Variants in FGF12 observed in about 807,000 individuals in gnomAD.
FGF12 encodes the protein fibroblast growth factor 12B.
FGF12 carries 14 observed loss-of-function variants against 23.6 expected under a neutral mutation model. That is an observed-to-expected ratio of 0.59 (90% CI 0.39 to 0.93). The LOEUF is 0.93. FGF12 is among the 40% of genes least tolerant of loss of function. The pLI is 0.00. For missense variants in FGF12, 175 were observed against 217.8 expected (o/e 0.80, Z 1.24); for synonymous variants, 62 against 77.3 (o/e 0.80, Z 1.04).
chr3:192,152,238 AT>A (rs1714098068), intron 5 of FGF12, among the ~76,000 whole-genome samples: 1 of 110,044 alleles, frequency 9.1e-6, no homozygotes, highest in African/African-American at 3.5e-5. Flanking sequence ...CGGTCTATCA[AT>A]TTTGTTGATC....
At chr3:192,666,767 T>A (rs778944590) in intron 2 of FGF12, among the ~76,000 whole-genome samples, 12 of 152,332 alleles carry the variant, frequency 7.9e-5, no homozygotes, top group Admixed American at 2.0e-4. Context: ...CAGAACTTCA[T>A]AATAAGCTCA....
intron 2 of FGF12, among the ~76,000 whole-genome samples, chr3:192,657,513 G>A (rs1041800087): frequency 1.3e-5 from 2 of 151,520 alleles, no homozygotes; most frequent in East Asian, 3.9e-4. Context: ...AGGTGAGAAG[G>A]AAGAAGAGCT....
intron 2 of FGF12, among the ~76,000 whole-genome samples, chr3:192,532,310 G>A (rs1000534012): frequency 2.0e-5 from 3 of 151,892 alleles, no homozygotes; most frequent in Admixed American, 6.6e-5. Flanking sequence ...TTTCGATGGG[G>A]ATTGAACTGA....
intron 3 of FGF12, among the ~76,000 whole-genome samples, chr3:192,358,441 A>T (rs1258770031): frequency 6.7e-6 from 1 of 150,124 alleles, no homozygotes; most frequent in Non-Finnish European, 1.5e-5. Context: ...AGAATTTTTA[A>T]AAGTACTTAT....
At chr3:192,312,339 T>C (rs1302132812) in intron 4 of FGF12, among the ~76,000 whole-genome samples, 1 of 152,050 alleles carries the variant, frequency 6.6e-6, no homozygotes, top group Non-Finnish European at 1.5e-5. Flanking sequence ...TTTGGGTTAC[T>C]TTTTCATTTA....
rs147920270 is a variant in FGF12, at chr3:192,328,310, C to G, written c.228+7051G>C. On this transcript the variant is annotated intron_variant, in intron 4 of 5. Coordinates refer to ENST00000445105, the MANE Select transcript of FGF12 (RefSeq NM_004113.6). Reference sequence around the variant, plus strand: ...TTTAGGGTAGGGGCTTTGGGTCACACAATATCTGTGGAGTCAGAGGCTGGG... The same window carrying G: ...TTTAGGGTAGGGGCTTTGGGTCACAGAATATCTGTGGAGTCAGAGGCTGGG... Among the ~76,000 whole-genome samples, 14 of 152,282 alleles carry G rather than the reference C, an allele frequency of 9.2e-5. No homozygotes were observed. In the East Asian group the frequency reaches 2.7e-3, roughly 29 times the overall value.
At chr3:192,564,060 TTTTGTTTG>T (rs572564017) in intron 2 of FGF12, among the ~76,000 whole-genome samples, 1 of 151,744 alleles carries the variant, frequency 6.6e-6, no homozygotes, top group Non-Finnish European at 1.5e-5. Flanking sequence ...TGTTTTTTGT[TTTTGTTTG>T]TTTGTTTGTT....
At chr3:192,604,042 A>C (rs574873836) in intron 2 of FGF12, among the ~76,000 whole-genome samples, 26 of 152,244 alleles carry the variant, frequency 1.7e-4, no homozygotes, top group African/African-American at 5.8e-4. Flanking sequence ...GAGTATTAAT[A>C]TCAATAGTCT....
chr3:192,439,706 G>A (rs1216279402), intron 2 of FGF12, among the ~76,000 whole-genome samples: 1 of 152,158 alleles, frequency 6.6e-6, no homozygotes, highest in Non-Finnish European at 1.5e-5. Flanking sequence ...GCCAGGCGTG[G>A]TGGCTCACGC....
At chr3:192,345,297 T>C (rs551674604) in intron 3 of FGF12, among the ~76,000 whole-genome samples, 1 of 152,210 alleles carries the variant, frequency 6.6e-6, no homozygotes, top group Non-Finnish European at 1.5e-5. Flanking sequence ...TACTCAAAGA[T>C]ACTGTTTTCC....
intron 2 of FGF12, among the ~76,000 whole-genome samples, chr3:192,614,937 C>T (rs769927472): frequency 6.6e-6 from 1 of 151,708 alleles, no homozygotes; most frequent in Non-Finnish European, 1.5e-5. Flanking sequence ...GGGTTTTTTT[C>T]TCCATTATAT....
chr3:192,410,179 C>G (rs1042165156), intron 2 of FGF12, among the ~76,000 whole-genome samples: 3 of 152,170 alleles, frequency 2.0e-5, no homozygotes, highest in Admixed American at 6.5e-5. Context: ...GGGGCCGGGC[C>G]CCTGGAGCGC....
At chr3:192,328,966 T>G (rs1310405868) in intron 4 of FGF12, among the ~76,000 whole-genome samples, 4 of 152,210 alleles carry the variant, frequency 2.6e-5, no homozygotes, top group Non-Finnish European at 5.9e-5. Flanking sequence ...AGACTACCAA[T>G]TAAACTTTGA....
chr3:192,309,601 T>A lies in FGF12; in HGVS notation c.228+25760A>T, dbSNP rs143808957. On this transcript the variant is annotated intron_variant, in intron 4 of 5. Transcript: ENST00000445105. Reference sequence around the variant, plus strand: ...GAAGAATAAAGAAAGGCAGACTACTTCTTCAGTTTCAACAGGAAACACAGT... The same window carrying A: ...GAAGAATAAAGAAAGGCAGACTACTACTTCAGTTTCAACAGGAAACACAGT... Among the ~76,000 whole-genome samples, 8 of 152,244 alleles carry A rather than the reference T, an allele frequency of 5.3e-5. No individual in the cohort carries two copies. In the East Asian group the frequency reaches 1.4e-3, roughly 26 times the overall value.
intron 2 of FGF12, among the ~76,000 whole-genome samples, chr3:192,574,530 A>G (rs1467612293): frequency 6.6e-6 from 1 of 152,214 alleles, no homozygotes; most frequent in Non-Finnish European, 1.5e-5. Context: ...TCCTACTCAA[A>G]AATGGGCCAC....
At chr3:192,619,517 T>G (rs1032383661) in intron 2 of FGF12, among the ~76,000 whole-genome samples, 2 of 152,090 alleles carry the variant, frequency 1.3e-5, no homozygotes, top group African/African-American at 4.8e-5. Flanking sequence ...TTTGAAACAT[T>G]TGGTATCATA....
chr3:192,566,624 T>G (rs1489825102), intron 2 of FGF12, among the ~76,000 whole-genome samples: 1 of 152,196 alleles, frequency 6.6e-6, no homozygotes, highest in African/African-American at 2.4e-5. Context: ...GTCTGTTGTC[T>G]CTTTGGCCCA....
Position 192,388,823 on chromosome 3 carries a change from A to T in FGF12, c.14-28285T>A, listed in dbSNP as rs71312495. Among the ~76,000 whole-genome samples the T allele has an allele frequency of 5.7e-3, 850 of 148,730 alleles. 4 individuals carry two copies. Among genetic ancestry groups the T allele is most frequent in the South Asian group, 9.4e-3 (45 of 4,782 alleles). ...TATATTTTAAAACATATTCAATTTT[A>T]AAAAAAAATGAAACATATGGAAAAG... is the stretch of plus-strand genomic sequence containing the variant. On this transcript the variant is annotated intron_variant, in intron 2 of 5. Transcript: ENST00000445105.
intron 2 of FGF12, among the ~76,000 whole-genome samples, chr3:192,721,661 G>A (rs1488325831): frequency 6.6e-6 from 1 of 152,102 alleles, no homozygotes; most frequent in Non-Finnish European, 1.5e-5. Flanking sequence ...ATAAGGGAAT[G>A]GCAAGTAGGT....
Sources: allele counts gnomAD v4.1 joint callset (sites outside exome capture counted in the v4.1 genomes callset), GRCh38; gene constraint gnomAD v4.1.1; transcripts MANE v1.5; gene names NCBI Gene and HGNC (gene_info 2026-07-23, HGNC 2026-07-21).